The following PARN variants were observed in gnomAD, a reference collection of about 807,000 sequenced individuals.
PARN encodes the protein poly(A)-specific ribonuclease.
A neutral mutation model predicts 102.8 loss-of-function variants in PARN; 71 were observed. The ratio of observed to expected loss-of-function variants is 0.69; its 90% confidence interval spans 0.57 to 0.84. The LOEUF is 0.84. PARN is among the 40% of genes least tolerant of loss of function. PARN has a pLI of 0.00. For missense variants in PARN, 782 were observed against 760.9 expected (o/e 1.03, Z -0.33); for synonymous variants, 261 against 252.9 (o/e 1.03, Z -0.30).
chr16:14,547,195 C>A (rs1045443731), intron 21 of PARN, among the ~76,000 whole-genome samples: 1 of 151,990 alleles, frequency 6.6e-6, no homozygotes, highest in African/African-American at 2.4e-5. Flanking sequence ...AAGTCCCACA[C>A]TGGCCATGTA....
At chr16:14,498,606 C>A (rs1423754856) in intron 21 of PARN, among the ~76,000 whole-genome samples, 3 of 152,094 alleles carry the variant, frequency 2.0e-5, no homozygotes, top group African/African-American at 7.2e-5. Context: ...AAAATGCCAA[C>A]ACCACCTCCT....
intron 21 of PARN, among the ~76,000 whole-genome samples, chr16:14,523,612 C>G (rs180702798): frequency 6.6e-6 from 1 of 151,990 alleles, no homozygotes; most frequent in South Asian, 2.1e-4. Flanking sequence ...ACTGTACATA[C>G]GTAGAGATCA....
At chr16:14,626,259 T>A (rs1357715946) in intron 5 of PARN, among the ~76,000 whole-genome samples, 1 of 152,236 alleles carries the variant, frequency 6.6e-6, no homozygotes, top group Non-Finnish European at 1.5e-5. Context: ...TCAGAGTGGA[T>A]GCGAGGAGAA....
intron 21 of PARN, among the ~76,000 whole-genome samples, chr16:14,516,826 C>T (rs1596554578): frequency 6.6e-6 from 1 of 152,086 alleles, no homozygotes; most frequent in African/African-American, 2.4e-5. Flanking sequence ...TGGTTATAAG[C>T]GTTAGCATAG....
chr16:14,449,773 A>G (rs1254815357), intron 22 of PARN, among the ~76,000 whole-genome samples: 1 of 152,218 alleles, frequency 6.6e-6, no homozygotes, highest in Non-Finnish European at 1.5e-5. Flanking sequence ...ATAAAACAAC[A>G]CTGAAATATC....
rs1301684881 is a variant in PARN, at chr16:14,626,690, C to A, written c.327+416G>T. Among the ~76,000 whole-genome samples the A allele has an allele frequency of 4.0e-5, 6 of 151,712 alleles. No homozygotes were observed. The South Asian group carries it at 1.2e-3, about 32-fold the overall frequency. On this transcript the variant is annotated intron_variant, in intron 5 of 23. Transcript: ENST00000437198. ...GCAGGGGCGTGATCTCGGCTCACTG[C>A]AACCTCCACCTCCCAGGTTCACGCC...
At chr16:14,596,098 A>T (rs1005966104) in intron 12 of PARN, among the ~76,000 whole-genome samples, 1 of 152,210 alleles carries the variant, frequency 6.6e-6, no homozygotes, top group African/African-American at 2.4e-5. Flanking sequence ...AGAAGCAATA[A>T]TATCACCTAG....
chr16:14,511,060 C>T (rs1965161465), intron 21 of PARN, among the ~76,000 whole-genome samples: 1 of 152,190 alleles, frequency 6.6e-6, no homozygotes, highest in African/African-American at 2.4e-5. Context: ...CCCATGAATA[C>T]ACAAAATCAG....
intron 21 of PARN, among the ~76,000 whole-genome samples, chr16:14,502,107 C>A (rs997874952): frequency 7.2e-5 from 11 of 152,172 alleles, no homozygotes; most frequent in African/African-American, 2.7e-4. Flanking sequence ...AGGCCACATG[C>A]CTCTCTGGGC....
chr16:14,438,547 G>A (rs991395933), intron 23 of PARN, among the ~76,000 whole-genome samples: 1 of 151,874 alleles, frequency 6.6e-6, no homozygotes, highest in African/African-American at 2.4e-5. Flanking sequence ...TCTGGAGTAA[G>A]GCAAGTCAAG....
intron 18 of PARN, among the ~76,000 whole-genome samples, chr16:14,562,156 C>G (rs925446147): frequency 6.6e-6 from 1 of 151,744 alleles, no homozygotes; most frequent in Non-Finnish European, 1.5e-5. Flanking sequence ...AAGAAAAGTA[C>G]AAAACTTTGA....
intron 9 of PARN, 126 bp from the exon 10 acceptor site, chr16:14,606,652 C>T: frequency 1.9e-6 from 1 of 514,462 alleles, no homozygotes; most frequent in East Asian, 3.1e-5. Context: ...ATTATCACTA[C>T]AATGGAGACT....
intron 12 of PARN, among the ~76,000 whole-genome samples, chr16:14,596,831 G>C (rs888791720): frequency 6.7e-6 from 1 of 149,402 alleles, no homozygotes; most frequent in African/African-American, 2.5e-5. Context: ...TTTGTCACCA[G>C]GCTACAGTGC....
In PARN at chr16:14,502,877, A is replaced by G. The variant is rs532058258; in HGVS notation, c.1481-20050T>C. 2.7e-3 allele frequency among the ~76,000 whole-genome samples: 406 copies of G among 152,338 alleles called. 1 individual carries two copies. Among genetic ancestry groups the G allele is most frequent in the Non-Finnish European group, 5.1e-3 (344 of 68,030 alleles). On this transcript the variant is annotated intron_variant, in intron 21 of 23. Coordinates refer to ENST00000437198, the MANE Select transcript of PARN (RefSeq NM_002582.4). Reference sequence around the variant, plus strand: ...TTGCAATTACTACAAGCCACTGAAGAACCACGGCTTAACTTCTTAGGGCAT... The same window carrying G: ...TTGCAATTACTACAAGCCACTGAAGGACCACGGCTTAACTTCTTAGGGCAT...
At chr16:14,609,207 G>A in intron 7 of PARN, 84 bp from the exon 8 acceptor site, 1 of 660,410 alleles carries the variant, frequency 1.5e-6, no homozygotes, top group South Asian at 1.9e-5. Context: ...ACCAAAAACA[G>A]TCTAACTATA....
chr16:14,557,410 C>T lies in PARN; in HGVS notation c.1263-1701G>A, dbSNP rs566253468. On this transcript the variant is annotated intron_variant, in intron 18 of 23. Transcript: ENST00000437198. Reference sequence around the variant, plus strand: ...CGTCTCTACTAAAAATACAAAAATTCGCTGGGCATGGTAGCAGGCACCTGT... The same window carrying T: ...CGTCTCTACTAAAAATACAAAAATTTGCTGGGCATGGTAGCAGGCACCTGT... 4.6e-5 allele frequency among the ~76,000 whole-genome samples: 7 copies of T among 151,696 alleles called. No homozygotes were observed. In the East Asian group the frequency reaches 7.8e-4, roughly 17 times the overall value.
Position 14,502,183 on chromosome 16 carries a change from T to A in PARN, c.1481-19356A>T, listed in dbSNP as rs186478417. On this transcript the variant is annotated intron_variant, in intron 21 of 23. Coordinates refer to ENST00000437198, the MANE Select transcript of PARN (RefSeq NM_002582.4). ...TGGCTTCAGGGAAAGCATCTAAGACTGGAGTCACAACAGAGTATTCACGCA... is the reference window on the plus strand; with the variant it reads ...TGGCTTCAGGGAAAGCATCTAAGACAGGAGTCACAACAGAGTATTCACGCA... 1.2e-4 allele frequency among the ~76,000 whole-genome samples: 19 copies of A among 152,304 alleles called. No individual in the cohort carries two copies. The East Asian group carries it at 2.9e-3, about 23-fold the overall frequency.
At chr16:14,550,847 T>C (rs1230855044) in intron 21 of PARN, among the ~76,000 whole-genome samples, 1 of 152,218 alleles carries the variant, frequency 6.6e-6, no homozygotes, top group Admixed American at 6.5e-5. Flanking sequence ...TCACCAATAT[T>C]TTATTCAAAA....
At chr16:14,499,983 C>G (rs192864064) in intron 21 of PARN, among the ~76,000 whole-genome samples, 2 of 152,270 alleles carry the variant, frequency 1.3e-5, no homozygotes, top group Non-Finnish European at 2.9e-5. Flanking sequence ...TGTCAAAATA[C>G]TCAACACAAA....
Sources: gnomAD v4.1 joint callset for allele counts (sites outside exome capture counted in the v4.1 genomes callset) on GRCh38, gnomAD v4.1.1 for gene constraint, MANE v1.5 for transcripts, NCBI Gene and HGNC (gene_info 2026-07-23, HGNC 2026-07-21) for gene names.